The following ANKS1B variants were observed in gnomAD, a reference collection of about 807,000 sequenced individuals.
ANKS1B encodes ankyrin repeat and sterile alpha motif domain-containing protein 1B.
Under a neutral mutation model 148.3 loss-of-function variants are expected in ANKS1B, and 36 were observed. The observed-to-expected ratio is 0.24, with a 90% confidence interval of 0.19 to 0.32. The LOEUF is 0.32. Among genes scored for constraint, ANKS1B ranks in the 10% least tolerant of loss-of-function variants. ANKS1B has a pLI of 1.00. For synonymous variants in ANKS1B, 542 were observed against 560.8 expected, an observed-to-expected ratio of 0.97 and a Z score of 0.47; for missense variants, 1,157 against 1,542.6, an observed-to-expected ratio of 0.75 and a Z score of 4.19.
chr12:99,239,098 G>A (rs1407944963), intron 14 of ANKS1B, among the ~76,000 whole-genome samples: 1 of 152,124 alleles, frequency 6.6e-6, no homozygotes, highest in South Asian at 2.1e-4. Flanking sequence ...GCCTTCAGAA[G>A]GTTGGAATAA....
Position 98,825,691 on chromosome 12 carries a change from G to T in ANKS1B, c.3066+3483C>A, listed in dbSNP as rs186804934. Reference sequence around the variant, plus strand: ...TTCTTGCATGAGTTTGGAGAATGTGGCCTTAACCTTATTCATTCCATCACT... The same window carrying T: ...TTCTTGCATGAGTTTGGAGAATGTGTCCTTAACCTTATTCATTCCATCACT... On this transcript the variant is annotated intron_variant, in intron 19 of 26. Transcript: ENST00000683438. Among the ~76,000 whole-genome samples, 212 of 152,130 alleles carry T rather than the reference G, an allele frequency of 1.4e-3. 1 individual carries two copies. Among genetic ancestry groups the T allele is most frequent in the African/African-American group, 5.1e-3 (210 of 41,488 alleles).
intron 1 of ANKS1B, among the ~76,000 whole-genome samples, chr12:99,837,088 G>C (rs988884233): frequency 1.3e-5 from 2 of 152,134 alleles, no homozygotes; most frequent in African/African-American, 4.8e-5. Context: ...AAGTGGAGAA[G>C]AGGGAAATGG....
chr12:99,498,614 A>G (rs1595905015), intron 10 of ANKS1B, among the ~76,000 whole-genome samples: 2 of 152,192 alleles, frequency 1.3e-5, no homozygotes, highest in Middle Eastern at 6.8e-3. Context: ...ACACATTCTA[A>G]GCTCCTAAAG....
rs371822878 is a variant in ANKS1B at position 99,538,989 on chromosome 12, G to A, written c.1273-34348C>T. The stretch of plus-strand genomic sequence containing the variant: ...ATCAAATGCTTTTTCAGCATCAATC[G>A]AAATGGTCATATGGTTTTTATCCTT... On this transcript the variant is annotated intron_variant, in intron 9 of 26. Transcript: ENST00000683438. Among the ~76,000 whole-genome samples, 46 of 152,152 alleles carry A rather than the reference G, an allele frequency of 3.0e-4. No homozygotes were observed. The South Asian group carries it at 9.1e-3, about 30-fold the overall frequency.
intron 12 of ANKS1B, among the ~76,000 whole-genome samples, chr12:99,342,438 A>G (rs2090060629): frequency 6.6e-6 from 1 of 152,030 alleles, no homozygotes; most frequent in South Asian, 2.1e-4. Context: ...AATCATAGAC[A>G]GTAAGTAAAA....
rs140859457 is a variant in ANKS1B, at chr12:99,320,620, C to A, written c.1757-73756G>T. Among the ~76,000 whole-genome samples the A allele has an allele frequency of 3.9e-3, 597 of 152,264 alleles. 3 individuals carry two copies. Among genetic ancestry groups the A allele is most frequent in the African/African-American group, 0.014 (568 of 41,546 alleles). ...AATCTTTTTTCAAGGTTTTTAGCTT[C>A]TTTGCAAAGGGTGTGAACATCTTCC... On this transcript the variant is annotated intron_variant, in intron 12 of 26. Transcript: ENST00000683438.
intron 12 of ANKS1B, among the ~76,000 whole-genome samples, chr12:99,364,594 T>C (rs768801694): frequency 6.6e-6 from 1 of 152,240 alleles, no homozygotes; most frequent in Non-Finnish European, 1.5e-5. Context: ...ATGCACCCTG[T>C]GGATTCTGAC....
intron 1 of ANKS1B, among the ~76,000 whole-genome samples, chr12:99,873,190 ATTTATTT>A (rs2091720839): frequency 6.6e-6 from 1 of 152,024 alleles, no homozygotes; most frequent in Non-Finnish European, 1.5e-5. Context: ...TTGCCTATTT[ATTTATTT>A]TTTAAAGTAA....
chr12:99,036,323 T>A (rs2099955553), intron 17 of ANKS1B, among the ~76,000 whole-genome samples: 1 of 152,190 alleles, frequency 6.6e-6, no homozygotes, highest in Non-Finnish European at 1.5e-5. Context: ...GGGAGGTTTT[T>A]TTTTTTCTTA....
chr12:99,065,241 A>G lies in ANKS1B; in HGVS notation c.2626-11932T>C, dbSNP rs567708009. On this transcript the variant is annotated intron_variant, in intron 16 of 26. Transcript: ENST00000683438. ...TCAAACAGAAACTTTAAATGCTACT[A>G]TTAATCAGGAATATCATTTGCATAC... 3.9e-5 allele frequency among the ~76,000 whole-genome samples: 6 copies of G among 152,338 alleles called. 1 individual carries two copies. Among genetic ancestry groups the G allele is most frequent in the African/African-American group, 1.4e-4 (6 of 41,582 alleles).
chr12:99,373,815 A>G (rs1266559313), intron 12 of ANKS1B, among the ~76,000 whole-genome samples: 1 of 152,202 alleles, frequency 6.6e-6, no homozygotes, highest in Non-Finnish European at 1.5e-5. Context: ...ACTACCTTTG[A>G]GAAAGGGTGG....
At chr12:99,086,373 T>C (rs182533429) in intron 15 of ANKS1B, among the ~76,000 whole-genome samples, 31 of 152,180 alleles carry the variant, frequency 2.0e-4, no homozygotes, top group African/African-American at 6.3e-4. Flanking sequence ...TCTGGGATAA[T>C]ATGGAGAGAG....
intron 17 of ANKS1B, among the ~76,000 whole-genome samples, chr12:98,943,570 T>G (rs2099840407): frequency 6.6e-6 from 1 of 152,102 alleles, no homozygotes; most frequent in Non-Finnish European, 1.5e-5. Context: ...GTGCCCACCT[T>G]CCTCCATCTT....
In ANKS1B at chr12:99,333,104, G is replaced by T. The variant is rs559002705; in HGVS notation, c.1756+66527C>A. On this transcript the variant is annotated intron_variant, in intron 12 of 26. Transcript: ENST00000683438. Reference sequence around the variant, plus strand: ...GGAATGGTGATTAGCCAATTTGGCTGAAGCACAAAGTACACAGAGAAAAGT... The same window carrying T: ...GGAATGGTGATTAGCCAATTTGGCTTAAGCACAAAGTACACAGAGAAAAGT... Among the ~76,000 whole-genome samples the T allele has an allele frequency of 2.0e-5, 3 of 152,206 alleles. No homozygotes were observed. The South Asian group carries it at 6.2e-4, about 32-fold the overall frequency.
intron 14 of ANKS1B, among the ~76,000 whole-genome samples, chr12:99,177,237 A>G (rs1390439202): frequency 6.6e-6 from 1 of 152,208 alleles, no homozygotes; most frequent in Non-Finnish European, 1.5e-5. Context: ...TGACGCTAGC[A>G]TGCTGTTTAA....
intron 11 of ANKS1B, among the ~76,000 whole-genome samples, chr12:99,414,927 T>A (rs1360010562): frequency 6.6e-6 from 1 of 152,234 alleles, no homozygotes; most frequent in African/African-American, 2.4e-5. Context: ...GTGTGGAGTT[T>A]GTTAGATGGA....
chr12:99,974,541 A>C (rs1566119631), intron 1 of ANKS1B, among the ~76,000 whole-genome samples: 1 of 152,128 alleles, frequency 6.6e-6, no homozygotes, highest in African/African-American at 2.4e-5. Flanking sequence ...CTCATTTCTC[A>C]TGTCTCCAGT....
intron 1 of ANKS1B, among the ~76,000 whole-genome samples, chr12:99,873,126 A>G (rs908697872): frequency 2.6e-5 from 4 of 152,184 alleles, no homozygotes; most frequent in African/African-American, 9.6e-5. Context: ...AATGCATGTC[A>G]ATCACTTAGC....
rs948443124 is a variant in ANKS1B, at chr12:98,890,834, A to G, written c.2779-58698T>C. Among the ~76,000 whole-genome samples the G allele has an allele frequency of 3.3e-5, 5 of 152,220 alleles. 1 individual carries two copies. The highest frequency in any genetic ancestry group is 1.2e-4 in the African/African-American group (5 of 41,444). ...ACCTAGCCCCGTCCCATGTTACTAGAGCTACAGAATCAAGCACCCTCCAAA... is the reference window on the plus strand; with the variant it reads ...ACCTAGCCCCGTCCCATGTTACTAGGGCTACAGAATCAAGCACCCTCCAAA... On this transcript the variant is annotated intron_variant, in intron 17 of 26. Transcript: ENST00000683438.
Sources: gnomAD v4.1 joint callset for allele counts (sites outside exome capture counted in the v4.1 genomes callset) on GRCh38, gnomAD v4.1.1 for gene constraint, MANE v1.5 for transcripts, NCBI Gene and HGNC (gene_info 2026-07-23, HGNC 2026-07-21) for gene names.